Variants in SCHIP1 observed in about 807,000 individuals in gnomAD.
The protein encoded by SCHIP1 is schwannomin interacting protein 1.
A neutral mutation model predicts 29.7 loss-of-function variants in SCHIP1; 8 were observed. The observed-to-expected ratio is 0.27, with a 90% CI of 0.16 to 0.49. SCHIP1 has a LOEUF of 0.49. Ranked by LOEUF, SCHIP1 falls within the 20% of genes least tolerant of loss-of-function variation. The probability of loss-of-function intolerance (pLI) is 0.99; values close to 1 mark genes in which losing one functional copy is unlikely to be tolerated. For missense variants in SCHIP1, 193 were observed against 294.6 expected (o/e 0.66, Z 2.52); for synonymous variants, 76 against 94.9 (o/e 0.80, Z 1.16).
At chr3:159,547,656 A>G in the SCHIP1 span, among the ~76,000 whole-genome samples, 2 of 152,192 alleles carry the variant, frequency 1.3e-5, no homozygotes, top group African/African-American at 4.8e-5. Flanking sequence ...TCCCAGCACC[A>G]TTTATTAAGT....
At chr3:159,809,754 A>T in the SCHIP1 span, among the ~76,000 whole-genome samples, 1 of 152,064 alleles carries the variant, frequency 6.6e-6, no homozygotes, top group Non-Finnish European at 1.5e-5. Context: ...TAATCCTAGC[A>T]CTTTGGGAAG....
At chr3:159,690,934 A>G in the SCHIP1 span, among the ~76,000 whole-genome samples, 16 of 152,274 alleles carry the variant, frequency 1.1e-4, no homozygotes, top group South Asian at 1.7e-3. Flanking sequence ...CTTGAGTTCT[A>G]GTTTGATTGC....
chr3:159,696,648 T>A, the SCHIP1 span, among the ~76,000 whole-genome samples: 188 of 152,336 alleles, frequency 1.2e-3, no homozygotes, highest in African/African-American at 4.4e-3. Flanking sequence ...CTTACAGGAT[T>A]GCAGGGAGAA....
chr3:159,860,990 A>G (rs539418351), intron 1 of SCHIP1, among the ~76,000 whole-genome samples: 178 of 152,230 alleles, frequency 1.2e-3, no homozygotes, highest in African/African-American at 4.0e-3. Flanking sequence ...TAAGCACCAG[A>G]TGGCTTTAGG....
intron 5 of SCHIP1, among the ~76,000 whole-genome samples, chr3:159,889,906 C>A (rs1177991741): frequency 6.6e-6 from 1 of 152,046 alleles, no homozygotes; most frequent in African/African-American, 2.4e-5. Flanking sequence ...ACCATCCTGG[C>A]TAACATGGTG....
chr3:159,448,816 G>A, the SCHIP1 span, among the ~76,000 whole-genome samples: 1 of 152,300 alleles, frequency 6.6e-6, no homozygotes, highest in South Asian at 2.1e-4. Flanking sequence ...GCTCACAACA[G>A]CATCGTGAGG....
At chr3:159,892,780 T>A (rs1717671436) in intron 6 of SCHIP1, 1 of 153,250 alleles carries the variant, frequency 6.5e-6, no homozygotes. Flanking sequence ...ACTAGGCTAA[T>A]GCTGGTCAAA....
At chr3:159,416,958 A>G in the SCHIP1 span, among the ~76,000 whole-genome samples, 1 of 152,194 alleles carries the variant, frequency 6.6e-6, no homozygotes, top group Non-Finnish European at 1.5e-5. Context: ...TGGATCCCTG[A>G]CAGAAAGCTG....
the SCHIP1 span, among the ~76,000 whole-genome samples, chr3:159,523,183 T>C: frequency 1.3e-5 from 2 of 152,222 alleles, no homozygotes; most frequent in East Asian, 3.8e-4. Flanking sequence ...AATCTATTTT[T>C]CTTAAACATA....
At chr3:159,742,860 G>GTTTTTTTTTT in the SCHIP1 span, among the ~76,000 whole-genome samples, 1 of 134,212 alleles carries the variant, frequency 7.5e-6, no homozygotes, top group African/African-American at 2.9e-5. Flanking sequence ...TTTTTTTTTG[G>GTTTTTTTTTT]ATTTTTAGTA....
At chr3:159,875,775 C>T (rs1307833578) in intron 2 of SCHIP1, among the ~76,000 whole-genome samples, 1 of 152,124 alleles carries the variant, frequency 6.6e-6, no homozygotes, top group Non-Finnish European at 1.5e-5. Context: ...GGATTGTTCT[C>T]ATTCAGATTA....
chr3:159,764,035 C>T, the SCHIP1 span: 1 of 161,338 alleles, frequency 6.2e-6, no homozygotes, highest in African/African-American at 2.4e-5. The surrounding 1 kb of genome is among the most constrained non-coding windows in gnomAD (Gnocchi z 6.1). Flanking sequence ...CCGCCCACCC[C>T]CTTCTCAGTT....
At chr3:159,758,213 C>T in the SCHIP1 span, among the ~76,000 whole-genome samples, 715 of 152,196 alleles carry the variant, frequency 4.7e-3, 11 homozygotes, top group East Asian at 0.023. Flanking sequence ...AATGCAGTGG[C>T]GCAATCTTGG....
At chr3:159,360,038 C>T in the SCHIP1 span, among the ~76,000 whole-genome samples, 4 of 152,122 alleles carry the variant, frequency 2.6e-5, no homozygotes, top group East Asian at 5.8e-4. Flanking sequence ...TTAGAGCAAA[C>T]ATGTATACAA....
the SCHIP1 span, among the ~76,000 whole-genome samples, chr3:159,791,088 C>T: frequency 6.6e-6 from 1 of 152,082 alleles, no homozygotes; most frequent in Non-Finnish European, 1.5e-5. Flanking sequence ...AATAGATAAC[C>T]TAAGGCAAGG....
the SCHIP1 span, among the ~76,000 whole-genome samples, chr3:159,283,403 G>A: frequency 1.3e-5 from 2 of 152,122 alleles, no homozygotes; most frequent in African/African-American, 2.4e-5. Flanking sequence ...TCCGCCGCCC[G>A]CCTTGGCCTC....
chr3:159,601,598 T>C, the SCHIP1 span, among the ~76,000 whole-genome samples: 1 of 152,210 alleles, frequency 6.6e-6, no homozygotes, highest in African/African-American at 2.4e-5. Flanking sequence ...TGGCAAAGGA[T>C]GTCACTCTTC....
chr3:159,412,852 C>T, the SCHIP1 span, among the ~76,000 whole-genome samples: 1 of 152,144 alleles, frequency 6.6e-6, no homozygotes, highest in Non-Finnish European at 1.5e-5. Context: ...ACTAGGATGT[C>T]AGAGCAGGTC....
At chr3:159,626,768 AG>A in the SCHIP1 span, among the ~76,000 whole-genome samples, 3 of 152,164 alleles carry the variant, frequency 2.0e-5, no homozygotes, top group East Asian at 5.8e-4. Context: ...CAGTCCCTGA[AG>A]AAGCTGGTCT....
Sources: allele counts gnomAD v4.1 joint callset (sites outside exome capture counted in the v4.1 genomes callset), GRCh38; gene constraint gnomAD v4.1.1; non-coding constraint Gnocchi (gnomAD v3.1); transcripts MANE v1.5; gene names NCBI Gene and HGNC (gene_info 2026-07-23, HGNC 2026-07-21).